Variants in FYN observed in about 807,000 individuals in gnomAD.
FYN encodes FYN proto-oncogene, Src family tyrosine kinase.
FYN carries 10 observed loss-of-function variants against 70.2 expected under a neutral mutation model. The observed-to-expected ratio is 0.14, with a 90% CI of 0.09 to 0.24. The LOEUF (loss-of-function observed/expected upper bound fraction) is 0.24, where lower values mean the gene tolerates loss of function less well. Ranked by LOEUF, FYN falls within the 10% of genes least tolerant of loss-of-function variation. The pLI, the probability that FYN is intolerant of heterozygous loss-of-function variation, is 1.00. For missense variants in FYN, 319 were observed against 673.1 expected (o/e 0.47, Z 5.82); for synonymous variants, 236 against 248.6 (o/e 0.95, Z 0.48).
chr6:111,803,757 TG>T (rs1562527381), intron 2 of FYN, among the ~76,000 whole-genome samples: 1 of 152,324 alleles, frequency 6.6e-6, no homozygotes, highest in Non-Finnish European at 1.5e-5. Flanking sequence ...GAGATTAAAA[TG>T]AAACAACTTG....
intron 3 of FYN, among the ~76,000 whole-genome samples, chr6:111,721,962 A>C (rs1270609401): frequency 6.6e-6 from 1 of 152,082 alleles, no homozygotes; most frequent in Non-Finnish European, 1.5e-5. Context: ...TTCACTGGGG[A>C]GGGCACAGCT....
chr6:111,733,753 C>T (rs1342553899), intron 3 of FYN, among the ~76,000 whole-genome samples: 2 of 152,204 alleles, frequency 1.3e-5, no homozygotes, highest in African/African-American at 2.4e-5. Flanking sequence ...AAGCGTGTCA[C>T]TCTGAAGTTC....
At chr6:111,790,543 G>A (rs1172194823) in intron 2 of FYN, among the ~76,000 whole-genome samples, 1 of 152,096 alleles carries the variant, frequency 6.6e-6, no homozygotes, top group Non-Finnish European at 1.5e-5. Context: ...TGCAACACTG[G>A]AGACCAAGGG....
intron 2 of FYN, among the ~76,000 whole-genome samples, chr6:111,819,090 G>C (rs1772579405): frequency 6.6e-6 from 1 of 152,148 alleles, no homozygotes. Context: ...GGCTAGGTTT[G>C]ATCATCTTTT....
chr6:111,739,387 C>T (rs574613300), intron 3 of FYN, among the ~76,000 whole-genome samples: 27 of 152,334 alleles, frequency 1.8e-4, no homozygotes, highest in African/African-American at 6.5e-4. Flanking sequence ...TCAAGGAGGA[C>T]ATACAGGGAG....
At chr6:111,822,159 T>A (rs1231319506) in intron 2 of FYN, among the ~76,000 whole-genome samples, 1 of 152,218 alleles carries the variant, frequency 6.6e-6, no homozygotes, top group Non-Finnish European at 1.5e-5. Context: ...TAAATCATGC[T>A]GCTATAAAGA....
intron 12 of FYN, among the ~76,000 whole-genome samples, chr6:111,681,214 G>T (rs778364909): frequency 6.6e-6 from 1 of 152,014 alleles, no homozygotes; most frequent in Non-Finnish European, 1.5e-5. Context: ...TTTTAGTAGA[G>T]GCGGTGTTTC....
intron 2 of FYN, among the ~76,000 whole-genome samples, chr6:111,834,554 G>A (rs1048486330): frequency 2.0e-5 from 3 of 152,100 alleles, no homozygotes; most frequent in African/African-American, 7.2e-5. Context: ...GGACTCACCT[G>A]CGTTTATCCA....
intron 8 of FYN, 123 bp from the exon 9 acceptor site, chr6:111,700,391 G>T: frequency 1.1e-6 from 1 of 903,952 alleles, no homozygotes; most frequent in Non-Finnish European, 1.7e-6. Flanking sequence ...TACTACACCA[G>T]CAGACGACCA....
chr6:111,736,781 A>G (rs747905805), intron 3 of FYN, among the ~76,000 whole-genome samples: 7 of 152,074 alleles, frequency 4.6e-5, no homozygotes, highest in African/African-American at 1.2e-4. Context: ...GACGCACTAA[A>G]TGCACTCCCC....
chr6:111,734,584 A>G (rs1801621135), intron 3 of FYN, among the ~76,000 whole-genome samples: 1 of 151,768 alleles, frequency 6.6e-6, no homozygotes, highest in African/African-American at 2.4e-5. Flanking sequence ...CATCACAGGG[A>G]GGCTCCACTT....
intron 2 of FYN, among the ~76,000 whole-genome samples, chr6:111,796,056 C>T (rs1218554814): frequency 2.6e-5 from 4 of 152,180 alleles, no homozygotes; most frequent in African/African-American, 4.8e-5. Context: ...TAGACTCTAT[C>T]ACTATTTTTT....
intron 2 of FYN, among the ~76,000 whole-genome samples, chr6:111,836,582 T>A (rs552407096): frequency 6.6e-6 from 1 of 152,080 alleles, no homozygotes; most frequent in East Asian, 1.9e-4. Context: ...CTGGGCAACA[T>A]AGGGAGACAC....
intron 6 of FYN, among the ~76,000 whole-genome samples, chr6:111,707,250 T>C (rs1800133922): frequency 6.6e-6 from 1 of 152,202 alleles, no homozygotes; most frequent in Non-Finnish European, 1.5e-5. Context: ...GGAGTGCCTG[T>C]TAATCCTCAT....
intron 1 of FYN, among the ~76,000 whole-genome samples, chr6:111,872,475 G>A (rs1314508280): frequency 6.6e-6 from 1 of 150,806 alleles, no homozygotes; most frequent in East Asian, 2.0e-4. Context: ...GAAATAGGCA[G>A]GAGGATGGGT....
intron 2 of FYN, chr6:111,814,216 G>C (rs1189491911): frequency 1.3e-5 from 2 of 152,116 alleles, no homozygotes; most frequent in Admixed American, 1.3e-4. Context: ...TTTAGAAATA[G>C]GTCAAAATGA....
chr6:111,802,059 T>G (rs968415561), intron 2 of FYN, among the ~76,000 whole-genome samples: 2 of 152,202 alleles, frequency 1.3e-5, no homozygotes, highest in African/African-American at 4.8e-5. Flanking sequence ...CTGATATGGT[T>G]TGGATCTGTG....
At position 111,829,016 on chromosome 6, in the gene FYN, C is replaced by T. The variant is rs1772926094; in HGVS notation, c.-82+17573G>A. ...CCCAAGAGGGGGATATAACAAGCAG[C>T]TCTTCCCAGCTTATCTGGCCACAGA... On this transcript the variant is annotated intron_variant, in intron 2 of 13. Coordinates refer to ENST00000354650, the MANE Select transcript of FYN (RefSeq NM_002037.5). 1.3e-5 allele frequency among the ~76,000 whole-genome samples: 2 copies of T among 152,362 alleles called. 1 individual carries two copies. The highest frequency in any genetic ancestry group is 6.8e-3 in the Middle Eastern group (2 of 294).
At chr6:111,725,509 A>G (rs1801151386) in intron 3 of FYN, among the ~76,000 whole-genome samples, 1 of 146,848 alleles carries the variant, frequency 6.8e-6, no homozygotes, top group Admixed American at 6.6e-5. Flanking sequence ...CTGGACAGAA[A>G]GCAGGGCTAT....
Sources: gnomAD v4.1 joint callset for allele counts (sites outside exome capture counted in the v4.1 genomes callset) on GRCh38, gnomAD v4.1.1 for gene constraint, MANE v1.5 for transcripts, NCBI Gene and HGNC (gene_info 2026-07-23, HGNC 2026-07-21) for gene names.